CHL1: variants seen among roughly 807,000 people sequenced by gnomAD.
CHL1 encodes neural cell adhesion molecule L1-like protein.
A neutral mutation model predicts 141.9 loss-of-function variants in CHL1; 96 were observed. That is an observed-to-expected ratio of 0.68 (90% CI 0.57 to 0.80). CHL1 has a LOEUF of 0.80. CHL1 is among the 30% of genes least tolerant of loss of function. The pLI is 0.00. For synonymous variants in CHL1, 613 were observed against 502.2 expected (o/e 1.22, Z -2.95); for missense variants, 1,820 against 1,457.2 (o/e 1.25, Z -4.05).
Position 365,955 on chromosome 3 carries a change from A to G in CHL1, c.1591A>G (p.Thr531Ala). The change falls in exon 15 of 28, where the codon ACA becomes GCA. Residue 531 changes from threonine to alanine, a missense_variant. By Grantham distance (58) the Thr-to-Ala change is moderately conservative (BLOSUM62 0). Transcript: ENST00000256509. ...VTANLDIRNATKLRVSPKNPR... is the reference protein window; with the variant it reads ...VTANLDIRNAAKLRVSPKNPR... ...TCTTTGTTTGGTAAAAACAGATGCTACAAAACTTAGAGTTTCTCCTAAGAA... is the reference window on the plus strand; with the variant it reads ...TCTTTGTTTGGTAAAAACAGATGCTGCAAAACTTAGAGTTTCTCCTAAGAA... 6.2e-7 allele frequency: 1 copy of G among 1,612,464 alleles called. No individual in the cohort carries two copies. The highest frequency in any genetic ancestry group is 8.5e-7 in the Non-Finnish European group (1 of 1,178,932).
chr3:312,518 C>T (rs750257446), intron 2 of CHL1, among the ~76,000 whole-genome samples: 2 of 152,172 alleles, frequency 1.3e-5, no homozygotes, highest in Non-Finnish European at 2.9e-5. Flanking sequence ...ATGTGTTTAT[C>T]CTTCTCAGCT....
At chr3:219,820 T>C (rs1295124515) in intron 1 of CHL1, among the ~76,000 whole-genome samples, 1 of 152,178 alleles carries the variant, frequency 6.6e-6, no homozygotes, top group Non-Finnish European at 1.5e-5. Context: ...CTGGCACATG[T>C]ACCCCTGAAC....
At chr3:323,037 G>A (rs1700722386) in intron 3 of CHL1, among the ~76,000 whole-genome samples, 1 of 151,908 alleles carries the variant, frequency 6.6e-6, no homozygotes, top group African/African-American at 2.4e-5. Flanking sequence ...ATTCTGCTAT[G>A]CGTCAAAGTA....
intron 1 of CHL1, among the ~76,000 whole-genome samples, chr3:237,628 A>C (rs1188078986): frequency 9.9e-5 from 15 of 152,218 alleles, no homozygotes; most frequent in African/African-American, 3.6e-4. Context: ...CTTGGTGTTG[A>C]CATTTATTGT....
chr3:302,222 C>G (rs1347596356), intron 2 of CHL1, among the ~76,000 whole-genome samples: 5 of 151,996 alleles, frequency 3.3e-5, no homozygotes, highest in Admixed American at 3.3e-4. Context: ...GTGCATGTGT[C>G]TATCGTAGAA....
At chr3:361,091 G>C (rs976091508) in intron 12 of CHL1, among the ~76,000 whole-genome samples, 9 of 151,860 alleles carry the variant, frequency 5.9e-5, no homozygotes, top group Non-Finnish European at 4.4e-5. Context: ...ATTTATCTTT[G>C]ACAAACCTGA....
At chr3:276,713 T>C (rs187861823) in intron 2 of CHL1, among the ~76,000 whole-genome samples, 4,199 of 151,168 alleles carry the variant, frequency 0.028, 146 homozygotes, top group African/African-American at 0.081. Flanking sequence ...CAGGGTGAAA[T>C]CCCTTCTCTA....
chr3:382,354 C>A lies in CHL1; in HGVS notation c.1978+74C>A. 2.7e-6 allele frequency: 4 copies of A among 1,472,544 alleles called. No homozygotes were observed. In the South Asian group the frequency reaches 4.6e-5, roughly 17 times the overall value. 91.2% of individuals were successfully genotyped at this position (1,472,544 alleles called of 1,614,324 possible). A position where few individuals can be genotyped will look rare whatever the true frequency, so the allele number is the denominator to read the frequency against. Reference sequence around the variant, plus strand: ...TAATAGCGAAGTCACTTTTTAACCACTCTTACTGGTTTATTCTTCTTATAA... The same window carrying A: ...TAATAGCGAAGTCACTTTTTAACCAATCTTACTGGTTTATTCTTCTTATAA... On this transcript the variant is annotated intron_variant, in intron 17 of 27. Coordinates refer to ENST00000256509, the MANE Select transcript of CHL1 (RefSeq NM_006614.4).
At chr3:205,516 G>A (rs944203481) in intron 1 of CHL1, among the ~76,000 whole-genome samples, 6 of 152,116 alleles carry the variant, frequency 3.9e-5, no homozygotes, top group Non-Finnish European at 5.9e-5. Context: ...GCTGTCTAGG[G>A]GAAAAATTGA....
At chr3:298,559 T>G (rs1698420533) in intron 2 of CHL1, among the ~76,000 whole-genome samples, 1 of 152,222 alleles carries the variant, frequency 6.6e-6, no homozygotes, top group African/African-American at 2.4e-5. Context: ...ATTTCAGGTT[T>G]GTTTATCATA....
chr3:219,811 T>C (rs1700664565), intron 1 of CHL1, among the ~76,000 whole-genome samples: 1 of 152,102 alleles, frequency 6.6e-6, no homozygotes, highest in Admixed American at 6.6e-5. Context: ...TGTAACAAAC[T>C]GGCACATGTA....
rs559027803 is a variant in CHL1 at position 371,977 on chromosome 3, C to T, written c.1752-5841C>T. Among the ~76,000 whole-genome samples, 8 of 152,234 alleles carry T rather than the reference C, an allele frequency of 5.3e-5. No individual in the cohort carries two copies. The South Asian group carries it at 6.2e-4, about 12-fold the overall frequency. ...GTAGAGTTTCTTCTGAGAGGTCCAC[C>T]GTTAGTCTGATGGGTTTCCCTTTGT... On this transcript the variant is annotated intron_variant, in intron 15 of 27. Coordinates refer to ENST00000256509, the MANE Select transcript of CHL1 (RefSeq NM_006614.4).
chr3:351,150 C>G (rs1230680958), intron 10 of CHL1, among the ~76,000 whole-genome samples: 1 of 152,126 alleles, frequency 6.6e-6, no homozygotes, highest in Non-Finnish European at 1.5e-5. Context: ...GACTATAAAA[C>G]CAAACCTTTC....
chr3:312,634 T>C (rs1699844296), intron 2 of CHL1, among the ~76,000 whole-genome samples: 1 of 152,164 alleles, frequency 6.6e-6, no homozygotes, highest in Non-Finnish European at 1.5e-5. Context: ...TAACCTAGCC[T>C]GATAATCACA....
At chr3:378,220 T>C (rs1169402818) in intron 16 of CHL1, among the ~76,000 whole-genome samples, 1 of 152,184 alleles carries the variant, frequency 6.6e-6, no homozygotes, top group Non-Finnish European at 1.5e-5. Context: ...AAAGCACGCT[T>C]GAGTTCCTAG....
At chr3:252,526 G>T (rs547962209) in intron 2 of CHL1, among the ~76,000 whole-genome samples, 1 of 151,154 alleles carries the variant, frequency 6.6e-6, no homozygotes, top group East Asian at 1.9e-4. Context: ...GGTATACCAG[G>T]TGCTATTGTC....
intron 2 of CHL1, among the ~76,000 whole-genome samples, chr3:281,634 A>G (rs1019140417): frequency 3.4e-5 from 5 of 146,774 alleles, no homozygotes; most frequent in Non-Finnish European, 5.9e-5. Flanking sequence ...ATCTCAGCTT[A>G]CTGCAACCTC....
chr3:329,298 G>T (rs1701261524), intron 5 of CHL1, among the ~76,000 whole-genome samples: 1 of 152,032 alleles, frequency 6.6e-6, no homozygotes, highest in Non-Finnish European at 1.5e-5. Flanking sequence ...GTATTTCAAA[G>T]AAAGTCCTAG....
chr3:211,957 G>T (rs890585987), intron 1 of CHL1, among the ~76,000 whole-genome samples: 5 of 152,144 alleles, frequency 3.3e-5, no homozygotes, highest in Admixed American at 1.3e-4. Flanking sequence ...ACTGGAACTC[G>T]GATGTCTGAT....
Sources: gnomAD v4.1 joint callset for allele counts (sites outside exome capture counted in the v4.1 genomes callset) on GRCh38, gnomAD v4.1.1 for gene constraint, MANE v1.5 for transcripts, NCBI Gene and HGNC (gene_info 2026-07-23, HGNC 2026-07-21) for gene names.